SCARB1: variants seen among roughly 807,000 people sequenced by gnomAD.
SCARB1 encodes scavenger receptor class B member 1.
A neutral mutation model predicts 57.2 loss-of-function variants in SCARB1; 30 were observed. The ratio of observed to expected loss-of-function variants is 0.52; its 90% confidence interval spans 0.39 to 0.71. The LOEUF (loss-of-function observed/expected upper bound fraction) is 0.71. Ranked by LOEUF, SCARB1 falls within the 30% of genes least tolerant of loss-of-function variation. The pLI is 0.00. For missense variants in SCARB1, 543 were observed against 671.2 expected (o/e 0.81, Z 2.11); for synonymous variants, 249 against 268.3 (o/e 0.93, Z 0.70).
chr12:124,845,260 G>C (rs10773110), intron 1 of SCARB1, among the ~76,000 whole-genome samples: 67,795 of 152,002 alleles, frequency 0.45, 16,774 homozygotes, highest in East Asian at 0.69. Flanking sequence ...AGCATGCAGT[G>C]CACCCGCACC....
rs58564503 is a variant in SCARB1, at chr12:124,803,689, CAAAAAAAAAA to C, written c.1010-3457_1010-3448del. On this transcript the variant is annotated intron_variant, in intron 7 of 12. Coordinates refer to ENST00000261693, the MANE Select transcript of SCARB1 (RefSeq NM_005505.5). ...GCAAGACGGCACAACCCCACCTCTA[CAAAAAAAAAA>C]AAAAAAAAAAAAAAAATTGAAATAA... is the stretch of plus-strand genomic sequence containing the variant. Among the ~76,000 whole-genome samples the C allele has an allele frequency of 4.8e-3, 227 of 47,706 alleles. 2 individuals are homozygous for C. Among genetic ancestry groups the C allele is most frequent in the Middle Eastern group, 0.013 (1 of 78 alleles). The allele number at this position is 47,706 out of a possible 152,430, so 31.3% of individuals were successfully genotyped here.
At position 124,810,150 on chromosome 12, in the gene SCARB1, G is replaced by T; in HGVS notation, c.842+24C>A. On this transcript the variant is annotated intron_variant, in intron 6 of 12. Coordinates refer to ENST00000261693, the MANE Select transcript of SCARB1 (RefSeq NM_005505.5). The surrounding 1 kb of genome is among the most constrained non-coding windows in gnomAD (Gnocchi z 4.0). ...GCCATGAGCTACCCAGGAAACCCAG[G>T]AGGCCCCGAGTCCCAGTGATTACCG... The T allele has an allele frequency of 6.6e-7, 1 of 1,520,964 alleles. No individual in the cohort carries two copies. The highest frequency in any genetic ancestry group is 1.1e-5 in the South Asian group (1 of 89,186). The allele number at this position is 1,520,964 out of a possible 1,614,324, so 94.2% of individuals were successfully genotyped here. A position where few individuals can be genotyped will look rare whatever the true frequency, so the allele number is the denominator to read the frequency against.
At chr12:124,784,143 G>A (rs1949424881) in intron 11 of SCARB1, 1 of 152,398 alleles carries the variant, frequency 6.6e-6, no homozygotes, top group African/African-American at 2.4e-5. Flanking sequence ...CCCTCATGTG[G>A]CTGTGCGTCG....
chr12:124,782,903 A>C, intron 11 of SCARB1, 92 bp from the exon 12 acceptor site: 1 of 1,349,128 alleles, frequency 7.4e-7, no homozygotes, highest in Non-Finnish European at 1.1e-6. Context: ...GCAAAGAGGA[A>C]ACAGGAAAGG....
chr12:124,817,298 C>T lies in SCARB1; in HGVS notation c.284+252G>A, dbSNP rs1398370471. Among the ~76,000 whole-genome samples, 3 of 137,172 alleles carry T rather than the reference C, an allele frequency of 2.2e-5. No individual in the cohort carries two copies. The highest frequency in any genetic ancestry group is 4.6e-5 in the Non-Finnish European group (3 of 65,134). The allele number at this position is 137,172 out of a possible 152,430, so 90.0% of individuals were successfully genotyped here. On this transcript the variant is annotated intron_variant, in intron 2 of 12. Transcript: ENST00000261693. This position sits in a 1 kb window ranked among gnomAD's most constrained non-coding sequence, Gnocchi z 4.8. ...ACTTTGAGAGGCTGAGGCGGAGGAT[C>T]GCTTGAGCCCAGGACTTCAAAACCA...
At chr12:124,851,156 C>A (rs781027325) in intron 1 of SCARB1, among the ~76,000 whole-genome samples, 1 of 152,230 alleles carries the variant, frequency 6.6e-6, no homozygotes, top group South Asian at 2.1e-4. Flanking sequence ...CCTTCAATAT[C>A]CCTCAGGAAG....
At chr12:124,784,380 A>G (rs549231405) in intron 11 of SCARB1, 1 of 152,274 alleles carries the variant, frequency 6.6e-6, no homozygotes, top group Admixed American at 6.5e-5. Context: ...GTCATTGTTC[A>G]TCGGGAGCTC....
At chr12:124,834,235 C>T (rs545624727) in intron 1 of SCARB1, among the ~76,000 whole-genome samples, 27 of 152,360 alleles carry the variant, frequency 1.8e-4, no homozygotes, top group African/African-American at 4.6e-4. Context: ...ACGGGACACA[C>T]GGGGGGACAG....
chr12:124,778,864 AG>A (rs1030868496), intron 12 of SCARB1, among the ~76,000 whole-genome samples: 1 of 152,166 alleles, frequency 6.6e-6, no homozygotes, highest in Non-Finnish European at 1.5e-5. Flanking sequence ...GGGCAGAGCA[AG>A]GGGGGCGGCC....
At chr12:124,795,509 T>C (rs1949914058) in intron 8 of SCARB1, among the ~76,000 whole-genome samples, 1 of 152,174 alleles carries the variant, frequency 6.6e-6, no homozygotes, top group Non-Finnish European at 1.5e-5. Flanking sequence ...AACAAGTGCT[T>C]CCCACACAGT....
chr12:124,844,200 G>A (rs1952038099), intron 1 of SCARB1, among the ~76,000 whole-genome samples: 1 of 152,156 alleles, frequency 6.6e-6, no homozygotes, highest in African/African-American at 2.4e-5. Context: ...GCAGCAGAAG[G>A]AAGCAATAAG....
intron 1 of SCARB1, among the ~76,000 whole-genome samples, chr12:124,841,602 C>T (rs1951915013): frequency 6.6e-6 from 1 of 151,894 alleles, no homozygotes; most frequent in Non-Finnish European, 1.5e-5. Flanking sequence ...ACATGCCTGT[C>T]CCCTTTCACC....
In SCARB1 at chr12:124,807,183, AGAGT is replaced by A. The variant is rs1318420067; in HGVS notation, c.1009+574_1009+577del. ...GCCACTGCACTCCAACCTGGGTAAC[AGAGT>A]GAGAGTCTGTCTCAAAAAAAATAAT... On this transcript the variant is annotated intron_variant, in intron 7 of 12. Transcript: ENST00000261693. This position sits in a 1 kb window ranked among gnomAD's most constrained non-coding sequence, Gnocchi z 5.3. Among the ~76,000 whole-genome samples, 1 of 152,194 alleles carries A rather than the reference AGAGT, an allele frequency of 6.6e-6. No individual in the cohort carries two copies. Among genetic ancestry groups the A allele is most frequent in the East Asian group, 1.9e-4 (1 of 5,200 alleles).
chr12:124,797,555 C>T (rs1047161651), intron 8 of SCARB1, among the ~76,000 whole-genome samples: 4 of 152,344 alleles, frequency 2.6e-5, no homozygotes, highest in Admixed American at 1.3e-4. Flanking sequence ...AAAGTGGCTG[C>T]GGCAAAACAG....
intron 2 of SCARB1, among the ~76,000 whole-genome samples, chr12:124,816,658 T>G (rs1950727713): frequency 6.6e-6 from 1 of 151,954 alleles, no homozygotes; most frequent in African/African-American, 2.4e-5. Context: ...CCCCTGTCTG[T>G]GAACTGGGAA....
intron 8 of SCARB1, 75 bp from the exon 9 acceptor site, chr12:124,795,343 TC>T: frequency 1.6e-6 from 2 of 1,261,850 alleles, no homozygotes; most frequent in Non-Finnish European, 2.3e-6. Flanking sequence ...CTCTCCCTGG[TC>T]CCAGTCAAGA....
intron 1 of SCARB1, among the ~76,000 whole-genome samples, chr12:124,850,632 T>G (rs973512944): frequency 6.6e-6 from 1 of 152,186 alleles, no homozygotes; most frequent in Non-Finnish European, 1.5e-5. Context: ...ATCACACCAT[T>G]GCACTCCAGC....
Position 124,811,897 on chromosome 12 carries a change from G to A in SCARB1, c.699C>T (p.Leu233=), listed in dbSNP as rs757891509. 4.3e-6 allele frequency: 7 copies of A among 1,612,940 alleles called. No individual in the cohort carries two copies. Among genetic ancestry groups the A allele is most frequent in the East Asian group, 2.2e-5 (1 of 44,794 alleles). The part of the protein sequence containing the change: ...TGVQNISRIH[L]VDKWNGLSKV... ...TGCTCAGCCCGTTCCACTTGTCCAC[G>A]AGGTGGATCCTGCTGATGTTCTGGA... The change falls in exon 5 of 13, where the codon CTC becomes CTT. Residue 233 remains leucine (L), a synonymous_variant. Transcript: ENST00000261693.
intron 7 of SCARB1, among the ~76,000 whole-genome samples, chr12:124,805,023 T>C (rs2135625206): frequency 6.6e-6 from 1 of 151,462 alleles, no homozygotes; most frequent in Non-Finnish European, 1.5e-5. Context: ...CAAGAGGAGC[T>C]TGGGGCCCTG....
Sources: allele counts gnomAD v4.1 joint callset (sites outside exome capture counted in the v4.1 genomes callset), GRCh38; gene constraint gnomAD v4.1.1; non-coding constraint Gnocchi (gnomAD v3.1); transcripts MANE v1.5; gene names NCBI Gene and HGNC (gene_info 2026-07-23, HGNC 2026-07-21).